Variants in SNTB1 observed in about 807,000 individuals in gnomAD.
The protein encoded by SNTB1 is syntrophin beta 1, also known as beta-1-syntrophin.
Under a neutral mutation model 48.9 loss-of-function variants are expected in SNTB1, and 36 were observed. The observed-to-expected ratio is 0.74, with a 90% confidence interval of 0.56 to 0.97. The LOEUF is 0.97. Among genes scored for constraint, SNTB1 ranks in the 50% least tolerant of loss-of-function variants. The pLI is 0.00. For missense variants in SNTB1, 786 were observed against 703.4 expected (o/e 1.12, Z -1.33); for synonymous variants, 299 against 294.6 (o/e 1.01, Z -0.15).
chr8:120,755,211 G>C (rs1048024392), intron 1 of SNTB1, among the ~76,000 whole-genome samples: 1 of 151,820 alleles, frequency 6.6e-6, no homozygotes, highest in South Asian at 2.1e-4. Context: ...AAGAAAGAGA[G>C]AGAGAGGGTT....
Position 120,694,013 on chromosome 8 carries a change from C to T in SNTB1, c.572-105G>A, listed in dbSNP as rs1818170179. 7.1e-6 allele frequency: 6 copies of T among 842,908 alleles called. No homozygotes were observed. In the Admixed American group the frequency reaches 9.6e-5, roughly 14 times the overall value. 52.2% of individuals were successfully genotyped at this position (842,908 alleles called of 1,614,324 possible). ...ACTTGCTTTGGATAAGCTCTTAATACTGAACTTCTTAAATTCTCAACGAGA... is the reference window on the plus strand; with the variant it reads ...ACTTGCTTTGGATAAGCTCTTAATATTGAACTTCTTAAATTCTCAACGAGA... On this transcript the variant is annotated intron_variant, in intron 1 of 6. Coordinates refer to ENST00000517992, the MANE Select transcript of SNTB1 (RefSeq NM_021021.4).
At chr8:120,674,673 A>G (rs950321089) in intron 2 of SNTB1, among the ~76,000 whole-genome samples, 1 of 152,170 alleles carries the variant, frequency 6.6e-6, no homozygotes, top group African/African-American at 2.4e-5. Context: ...ATATTGCCTC[A>G]TTGGACTTTC....
chr8:120,783,055 A>G (rs948393012), intron 1 of SNTB1, among the ~76,000 whole-genome samples: 6 of 152,180 alleles, frequency 3.9e-5, no homozygotes, highest in Admixed American at 1.3e-4. Flanking sequence ...TCCTAACCTA[A>G]AAAGCTTCTG....
chr8:120,801,793 T>C (rs1820230588), intron 1 of SNTB1, among the ~76,000 whole-genome samples: 1 of 152,156 alleles, frequency 6.6e-6, no homozygotes, highest in Non-Finnish European at 1.5e-5. Flanking sequence ...CCTCCCCACC[T>C]GAGACCACTT....
Position 120,603,125 on chromosome 8 carries a change from C to T in SNTB1, c.997-27900G>A, listed in dbSNP as rs547079779. On this transcript the variant is annotated intron_variant, in intron 3 of 6. Coordinates refer to ENST00000517992, the MANE Select transcript of SNTB1 (RefSeq NM_021021.4). ...TTTTTTTTTTTTTCTTTTTTTGAGA[C>T]GGGGTTTCGCTCTGTCGCCCAGGCT... Among the ~76,000 whole-genome samples, 11 of 150,512 alleles carry T rather than the reference C, an allele frequency of 7.3e-5. No homozygotes were observed. The South Asian group carries it at 1.0e-3, about 14-fold the overall frequency.
intron 5 of SNTB1, among the ~76,000 whole-genome samples, chr8:120,547,017 A>G (rs1466899817): frequency 1.3e-5 from 2 of 152,180 alleles, no homozygotes; most frequent in Admixed American, 6.5e-5. Flanking sequence ...GACACAACCT[A>G]GAGTTGAAGT....
At chr8:120,601,304 G>A (rs1040030481) in intron 3 of SNTB1, among the ~76,000 whole-genome samples, 1 of 152,084 alleles carries the variant, frequency 6.6e-6, no homozygotes, top group African/African-American at 2.4e-5. Context: ...AATTTAGATG[G>A]TAAAATTTAG....
intron 2 of SNTB1, among the ~76,000 whole-genome samples, chr8:120,656,392 G>C (rs1332628042): frequency 1.3e-5 from 2 of 152,184 alleles, no homozygotes; most frequent in African/African-American, 4.8e-5. Flanking sequence ...AATATGTGGA[G>C]AATTTCAGCA....
intron 2 of SNTB1, among the ~76,000 whole-genome samples, chr8:120,658,332 A>C (rs1817532155): frequency 6.6e-6 from 1 of 152,180 alleles, no homozygotes; most frequent in South Asian, 2.1e-4. Flanking sequence ...TTTAAAGAGA[A>C]TCTATCACAT....
chr8:120,759,041 G>A (rs1027163758), intron 1 of SNTB1, among the ~76,000 whole-genome samples: 2 of 152,062 alleles, frequency 1.3e-5, no homozygotes, highest in African/African-American at 4.8e-5. Context: ...AAAGTGCAAG[G>A]ATTACAGGCA....
At chr8:120,561,329 AAAAAAAAAAAAG>A (rs1487917711) in intron 4 of SNTB1, among the ~76,000 whole-genome samples, 9 of 141,984 alleles carry the variant, frequency 6.3e-5, no homozygotes, top group Non-Finnish European at 1.2e-4. Context: ...CAAAAAAAAA[AAAAAAAAAAAAG>A]AAAAAAAGAA....
chr8:120,767,327 G>A (rs1371358235), intron 1 of SNTB1, among the ~76,000 whole-genome samples: 1 of 152,136 alleles, frequency 6.6e-6, no homozygotes, highest in African/African-American at 2.4e-5. Flanking sequence ...GGGGACCCCT[G>A]CATTGGGTGG....
intron 3 of SNTB1, among the ~76,000 whole-genome samples, chr8:120,622,939 A>G (rs1483588251): frequency 6.6e-6 from 1 of 152,066 alleles, no homozygotes; most frequent in Non-Finnish European, 1.5e-5. Flanking sequence ...GCCACTCTTT[A>G]CCTCTATGGG....
intron 1 of SNTB1, among the ~76,000 whole-genome samples, chr8:120,763,967 T>C (rs2130075132): frequency 6.6e-6 from 1 of 152,244 alleles, no homozygotes; most frequent in South Asian, 2.1e-4. Context: ...AAATATATCA[T>C]CAGAACACTG....
At chr8:120,781,371 ATT>A (rs201988500) in intron 1 of SNTB1, among the ~76,000 whole-genome samples, 1 of 151,312 alleles carries the variant, frequency 6.6e-6, no homozygotes, top group Non-Finnish European at 1.5e-5. Context: ...GTATTTTGCC[ATT>A]TTTTTTTAAC....
chr8:120,656,670 G>A (rs1216389311), intron 2 of SNTB1, among the ~76,000 whole-genome samples: 1 of 152,200 alleles, frequency 6.6e-6, no homozygotes, highest in East Asian at 1.9e-4. Context: ...GCCCAATCTA[G>A]ATCATAGCAT....
At chr8:120,608,777 C>T (rs1489278806) in intron 3 of SNTB1, among the ~76,000 whole-genome samples, 5 of 152,078 alleles carry the variant, frequency 3.3e-5, no homozygotes, top group Non-Finnish European at 7.4e-5. Context: ...GAAAAGGACT[C>T]TTCTGAAAAA....
chr8:120,605,924 T>A (rs1442291082), intron 3 of SNTB1, among the ~76,000 whole-genome samples: 1 of 152,100 alleles, frequency 6.6e-6, no homozygotes, highest in Non-Finnish European at 1.5e-5. Flanking sequence ...GGGCCTGTTC[T>A]GGTGAGCCAT....
At chr8:120,591,161 C>T (rs1587012943) in intron 3 of SNTB1, among the ~76,000 whole-genome samples, 1 of 152,310 alleles carries the variant, frequency 6.6e-6, no homozygotes, top group East Asian at 1.9e-4. Flanking sequence ...CCTAGATTTT[C>T]CTCTGTCCTT....
Sources: gnomAD v4.1 joint callset for allele counts (sites outside exome capture counted in the v4.1 genomes callset) on GRCh38, gnomAD v4.1.1 for gene constraint, MANE v1.5 for transcripts, NCBI Gene and HGNC (gene_info 2026-07-23, HGNC 2026-07-21) for gene names.